Variants in PTK7 observed in about 807,000 individuals in gnomAD.
PTK7 encodes inactive tyrosine-protein kinase 7.
PTK7 carries 39 observed loss-of-function variants against 116.6 expected under a neutral mutation model. The observed-to-expected ratio is 0.33, with a 90% CI of 0.26 to 0.44. The LOEUF (loss-of-function observed/expected upper bound fraction) is 0.44. Among genes scored for constraint, PTK7 ranks in the 20% least tolerant of loss-of-function variants. PTK7 has a pLI of 1.00. For missense variants in PTK7, 1,169 were observed against 1,425.6 expected (o/e 0.82, Z 2.90); for synonymous variants, 546 against 563.6 (o/e 0.97, Z 0.44).
At chr6:43,083,906 A>G (rs1274756803) in intron 1 of PTK7, among the ~76,000 whole-genome samples, 1 of 152,168 alleles carries the variant, frequency 6.6e-6, no homozygotes, top group African/African-American at 2.4e-5. Context: ...CATATTAGGA[A>G]GGTGTAGATA....
chr6:43,114,067 G>A (rs1370958638), intron 1 of PTK7, among the ~76,000 whole-genome samples: 1 of 152,118 alleles, frequency 6.6e-6, no homozygotes, highest in Non-Finnish European at 1.5e-5. Flanking sequence ...TGGTGGGAGG[G>A]GGTGGGCAGG....
At chr6:43,088,470 G>A (rs1766778333) in intron 1 of PTK7, among the ~76,000 whole-genome samples, 1 of 152,048 alleles carries the variant, frequency 6.6e-6, no homozygotes, top group Admixed American at 6.6e-5. Flanking sequence ...CGAGGCGGGT[G>A]GATCATGAGG....
intron 1 of PTK7, among the ~76,000 whole-genome samples, chr6:43,098,062 G>A (rs979732181): frequency 1.1e-4 from 16 of 152,106 alleles, no homozygotes; most frequent in East Asian, 1.9e-4. Context: ...GATAATATCC[G>A]CCTCATGGGT....
intron 18 of PTK7, 33 bp from the exon 19 acceptor site, chr6:43,159,755 C>T (rs748720350): frequency 3.1e-6 from 5 of 1,612,180 alleles, no homozygotes; most frequent in Middle Eastern, 1.7e-4. Flanking sequence ...CGCTCCCACC[C>T]CACCTCACCC....
At chr6:43,134,114 C>T (rs59125414) in intron 7 of PTK7, among the ~76,000 whole-genome samples, 1 of 152,220 alleles carries the variant, frequency 6.6e-6, no homozygotes, top group Non-Finnish European at 1.5e-5. Context: ...TCTTGGCTCA[C>T]TGCAACCTGC....
intron 1 of PTK7, among the ~76,000 whole-genome samples, chr6:43,114,371 TGTCA>T (rs1768373530): frequency 6.6e-6 from 1 of 152,184 alleles, no homozygotes; most frequent in Non-Finnish European, 1.5e-5. Context: ...TCTCTCTCTC[TGTCA>T]GTCTCCCCTT....
intron 1 of PTK7, among the ~76,000 whole-genome samples, chr6:43,084,514 C>T (rs1766547902): frequency 6.6e-6 from 1 of 152,060 alleles, no homozygotes; most frequent in Non-Finnish European, 1.5e-5. Flanking sequence ...ACTGGGTAGC[C>T]ATAAGGAGAA....
At chr6:43,149,862 G>A (rs1249388715) in intron 17 of PTK7, among the ~76,000 whole-genome samples, 3 of 152,096 alleles carry the variant, frequency 2.0e-5, no homozygotes, top group Non-Finnish European at 4.4e-5. Context: ...GTCCAGGCTG[G>A]TCTTGAACTT....
intron 7 of PTK7, chr6:43,132,962 G>A: frequency 1.7e-6 from 1 of 578,076 alleles, no homozygotes; most frequent in Non-Finnish European, 3.1e-6. Context: ...CTAGAGACCT[G>A]GGTCCCACTA....
At position 43,141,803 on chromosome 6, in the gene PTK7, A is replaced by C; in HGVS notation, c.1754A>C (p.Gln585Pro). 1 of 1,613,838 alleles carries C rather than the reference A, an allele frequency of 6.2e-7. No individual in the cohort carries two copies. Among genetic ancestry groups the C allele is most frequent in the Non-Finnish European group, 8.5e-7 (1 of 1,179,882 alleles). Residue 585 changes from glutamine to proline, a missense_variant, in exon 11 of 20, where the codon CAG (glutamine) becomes CCG (proline). Around this residue, in one of 3 missense-constraint regions of PTK7, gnomAD observed 678 missense variants for 853.8 expected, o/e 0.79. Transcript: ENST00000230419. The surrounding 1 kb of genome is among the most constrained non-coding windows in gnomAD (Gnocchi z 4.9). Reference protein sequence around the residue: ...GPQGQIRAHVQLTVAVFITFK... With the variant: ...GPQGQIRAHVPLTVAVFITFK... ...CAGGGCCAGATTCGTGCCCATGTCCAGCTCACTGTGGCAGGTGCGACCGTG... is the reference window on the plus strand; with the variant it reads ...CAGGGCCAGATTCGTGCCCATGTCCCGCTCACTGTGGCAGGTGCGACCGTG...
intron 18 of PTK7, 193 bp from the exon 19 acceptor site, chr6:43,159,595 C>G (rs1345541771): frequency 3.3e-6 from 2 of 600,714 alleles, no homozygotes; most frequent in Non-Finnish European, 5.9e-6. Context: ...ACCATCAAAC[C>G]TCTCGTGTGG....
rs376269798 is a variant in PTK7 at position 43,130,238 on chromosome 6, A to G, written c.479A>G (p.Tyr160Cys). ...CHIDGHPRPT[Y>C]QWFRDGTPLS... Reference sequence around the variant, plus strand: ...CTGTGTCTGCCCTGCAGGCCCACCTACCAATGGTTCCGAGATGGGACCCCC... The same window carrying G: ...CTGTGTCTGCCCTGCAGGCCCACCTGCCAATGGTTCCGAGATGGGACCCCC... Residue 160 changes from tyrosine (Y) to cysteine (C), a missense_variant, in exon 4 of 20, where the codon TAC (tyrosine) becomes TGC (cysteine). By Grantham distance (194) the Tyr-to-Cys change is radical. Around this residue, in one of 3 missense-constraint regions of PTK7, gnomAD observed 487 missense variants for 549.8 expected, o/e 0.89. Coordinates refer to ENST00000230419, the MANE Select transcript of PTK7 (RefSeq NM_002821.5). The G allele has an allele frequency of 1.9e-6, 3 of 1,579,252 alleles. No individual in the cohort carries two copies. Among genetic ancestry groups the G allele is most frequent in the Non-Finnish European group, 2.6e-6 (3 of 1,157,764 alleles).
At position 43,129,790 on chromosome 6, in the gene PTK7, C is replaced by G. The variant is rs376958481; in HGVS notation, c.431C>G (p.Thr144Ser). The change falls in exon 3 of 20, where the codon ACC becomes AGC. Residue 144 changes from threonine (T) to serine (S), a missense_variant. Coordinates refer to ENST00000230419, the MANE Select transcript of PTK7 (RefSeq NM_002821.5). This position sits in a 1 kb window ranked among gnomAD's most constrained non-coding sequence, Gnocchi z 4.5. ...PASEAEIQPQ[T>S]QVTLRCHIDG... ...TCGGAAGCTGAGATCCAGCCACAGA[C>G]CCAGGTCACACTTCGTTGCCACATT... 5.6e-6 allele frequency: 9 copies of G among 1,614,200 alleles called. No homozygotes were observed. Among genetic ancestry groups the G allele is most frequent in the Non-Finnish European group, 6.8e-6 (8 of 1,180,034 alleles).
Position 43,144,528 on chromosome 6 carries a change from G to A in PTK7, c.2329G>A (p.Ala777Thr), listed in dbSNP as rs773100222. The A allele has an allele frequency of 1.1e-5, 17 of 1,614,040 alleles. No homozygotes were observed. Among genetic ancestry groups the A allele is most frequent in the South Asian group, 4.4e-5 (4 of 91,086 alleles). ...VALTSLGSGP[A>T]ATNKRHSTSD... ...CTTGACCAGCTTGGGCTCCGGCCCC[G>A]CGGCCACCAACAAACGCCACAGCAC... is the stretch of plus-strand genomic sequence containing the variant. The change falls in exon 15 of 20, where the codon GCG becomes ACG. Residue 777 changes from alanine to threonine, a missense_variant. Ala to Thr is a moderately conservative substitution (Grantham distance 58). Coordinates refer to ENST00000230419, the MANE Select transcript of PTK7 (RefSeq NM_002821.5).
At chr6:43,101,062 G>A (rs563364753) in intron 1 of PTK7, among the ~76,000 whole-genome samples, 10 of 151,416 alleles carry the variant, frequency 6.6e-5, no homozygotes, top group East Asian at 3.9e-4. Context: ...GAGAAACCCC[G>A]TCTCTACTAA....
chr6:43,138,901 A>C lies in PTK7; in HGVS notation c.1281A>C (p.Lys427Asn). 6.2e-7 allele frequency: 1 copy of C among 1,614,166 alleles called. No homozygotes were observed. Among genetic ancestry groups the C allele is most frequent in the Non-Finnish European group, 8.5e-7 (1 of 1,180,024 alleles). The change falls in exon 8 of 20, where the codon AAA becomes AAC. Residue 427 changes from lysine to asparagine, a missense_variant. Lys to Asn is a moderately conservative substitution (Grantham distance 94). Transcript: ENST00000230419. The stretch of plus-strand genomic sequence containing the variant: ...AAGACAGCCAGCTGGAGGAGGGCAA[A>C]CCCGGCTACTTGGATTGCCTGACCC... ...KPQDSQLEEG[K>N]PGYLDCLTQA...
chr6:43,137,833 G>A (rs1355059961), intron 7 of PTK7, among the ~76,000 whole-genome samples: 1 of 152,006 alleles, frequency 6.6e-6, no homozygotes, highest in Non-Finnish European at 1.5e-5. Flanking sequence ...TTGAGATGGA[G>A]TCTCACTCTT....
In PTK7 at chr6:43,132,593, G is replaced by A; in HGVS notation, c.1134G>A (p.Leu378=). 6.2e-7 allele frequency: 1 copy of A among 1,612,400 alleles called. No individual in the cohort carries two copies. The highest frequency in any genetic ancestry group is 8.5e-7 in the Non-Finnish European group (1 of 1,179,446). Residue 378 remains leucine (L), a synonymous_variant, in exon 7 of 20, where the codon TTG becomes TTA. Transcript: ENST00000230419. ...RVYQKGHELV[L]ANIAESDAGV... Reference sequence around the variant, plus strand: ...ACCAGAAGGGCCACGAGCTGGTGTTGGCCAATATTGCTGAAAGTGATGCTG... The same window carrying A: ...ACCAGAAGGGCCACGAGCTGGTGTTAGCCAATATTGCTGAAAGTGATGCTG...
chr6:43,106,361 G>T (rs1452419412), intron 1 of PTK7, among the ~76,000 whole-genome samples: 1 of 152,062 alleles, frequency 6.6e-6, no homozygotes, highest in African/African-American at 2.4e-5. Flanking sequence ...AGGCTGGAGT[G>T]CCCTGGCACA....
Sources: allele counts gnomAD v4.1 joint callset (sites outside exome capture counted in the v4.1 genomes callset), GRCh38; gene constraint gnomAD v4.1.1; regional missense constraint gnomAD v4.1.1; non-coding constraint Gnocchi (gnomAD v3.1); transcripts MANE v1.5; gene names NCBI Gene and HGNC (gene_info 2026-07-23, HGNC 2026-07-21).